CSMD1: variants seen among roughly 807,000 people sequenced by gnomAD.
CSMD1 encodes CUB and Sushi multiple domains 1.
CSMD1 carries 213 observed loss-of-function variants against 417.5 expected under a neutral mutation model. The ratio of observed to expected loss-of-function variants is 0.51; its 90% CI spans 0.46 to 0.57. The LOEUF is 0.57. Ranked by LOEUF, CSMD1 falls within the 20% of genes least tolerant of loss-of-function variation. The pLI is 0.00. For synonymous variants in CSMD1, 2,862 were observed against 1,736.8 expected (o/e 1.65, Z -16.11); for missense variants, 6,923 against 4,529.7 (o/e 1.53, Z -15.17).
intron 2 of CSMD1, among the ~76,000 whole-genome samples, chr8:4,578,538 T>A (rs1200677945): frequency 6.6e-6 from 1 of 151,450 alleles, no homozygotes; most frequent in East Asian, 2.0e-4. Flanking sequence ...TATCTTTGGC[T>A]GGGTGCAATG....
intron 3 of CSMD1, among the ~76,000 whole-genome samples, chr8:4,293,148 C>A (rs1197125167): frequency 9.9e-5 from 15 of 152,124 alleles, no homozygotes; most frequent in Admixed American, 9.8e-4. Flanking sequence ...CCCGCACCTG[C>A]CCTTTGTCCA....
chr8:4,773,408 G>A (rs9644369), intron 1 of CSMD1, among the ~76,000 whole-genome samples: 27,695 of 152,140 alleles, frequency 0.18, 2,612 homozygotes, highest in East Asian at 0.29. Context: ...TGTTTCTGCA[G>A]CAGTTGCTTT....
At chr8:3,074,424 C>T (rs905037046) in intron 49 of CSMD1, among the ~76,000 whole-genome samples, 3 of 152,170 alleles carry the variant, frequency 2.0e-5, no homozygotes, top group African/African-American at 2.4e-5. Flanking sequence ...CTACCCAGGG[C>T]GTCGGTCACC....
At chr8:3,816,105 C>G (rs947193126) in intron 5 of CSMD1, among the ~76,000 whole-genome samples, 1 of 152,140 alleles carries the variant, frequency 6.6e-6, no homozygotes, top group Non-Finnish European at 1.5e-5. Context: ...ACCTTTAGGT[C>G]TCTATCTCAT....
intron 41 of CSMD1, among the ~76,000 whole-genome samples, chr8:3,133,407 G>C (rs1384406666): frequency 1.3e-5 from 2 of 152,208 alleles, no homozygotes; most frequent in African/African-American, 2.4e-5. Context: ...GAAAGAGCTT[G>C]GGTCTGTCTT....
At chr8:3,635,539 A>G (rs1342957695) in intron 7 of CSMD1, among the ~76,000 whole-genome samples, 2 of 144,012 alleles carry the variant, frequency 1.4e-5, no homozygotes, top group African/African-American at 5.1e-5. Context: ...GCTGGAGTGC[A>G]GTGGCGCGAT....
At chr8:4,396,275 A>G (rs146170692) in intron 3 of CSMD1, among the ~76,000 whole-genome samples, 123 of 151,422 alleles carry the variant, frequency 8.1e-4, no homozygotes, top group African/African-American at 2.8e-3. Flanking sequence ...CAGCTTGGGG[A>G]ATACAGTGAG....
chr8:3,379,305 G>C lies in CSMD1; in HGVS notation c.2782+8189C>G, dbSNP rs565018507. 2.0e-5 allele frequency among the ~76,000 whole-genome samples: 3 copies of C among 152,274 alleles called. No individual in the cohort carries two copies. The East Asian group carries it at 5.8e-4, about 29-fold the overall frequency. Reference sequence around the variant, plus strand: ...CATGGATAGGAAAAATGAATATTGTGAAAATGGCAATACTGTCCAAAGTAA... The same window carrying C: ...CATGGATAGGAAAAATGAATATTGTCAAAATGGCAATACTGTCCAAAGTAA... On this transcript the variant is annotated intron_variant, in intron 18 of 69. Transcript: ENST00000635120.
intron 3 of CSMD1, among the ~76,000 whole-genome samples, chr8:4,275,165 C>T (rs1380838882): frequency 1.3e-5 from 2 of 152,082 alleles, no homozygotes; most frequent in African/African-American, 4.8e-5. Flanking sequence ...GGCATAGTTA[C>T]ATTTTCTGGG....
chr8:3,485,552 G>A (rs964299170), intron 11 of CSMD1, among the ~76,000 whole-genome samples: 1 of 151,284 alleles, frequency 6.6e-6, no homozygotes, highest in South Asian at 2.1e-4. Flanking sequence ...GAGAGAGAGA[G>A]AGAGAGAGAG....
At chr8:4,642,718 T>C (rs1803272874) in intron 1 of CSMD1, among the ~76,000 whole-genome samples, 1 of 152,226 alleles carries the variant, frequency 6.6e-6, no homozygotes, top group Non-Finnish European at 1.5e-5. Context: ...AAGTGGGGTG[T>C]GTAGCTTAGC....
At chr8:4,826,751 T>C (rs1020681596) in intron 1 of CSMD1, among the ~76,000 whole-genome samples, 1 of 152,104 alleles carries the variant, frequency 6.6e-6, no homozygotes, top group Non-Finnish European at 1.5e-5. Context: ...GAGAGACAGT[T>C]CTGTTTTAAA....
At chr8:3,442,432 T>C (rs1036870865) in intron 12 of CSMD1, among the ~76,000 whole-genome samples, 1 of 152,188 alleles carries the variant, frequency 6.6e-6, no homozygotes, top group Non-Finnish European at 1.5e-5. Context: ...TATACAGATG[T>C]CCCACTTTTT....
At chr8:4,144,678 C>A (rs1804003981) in intron 3 of CSMD1, among the ~76,000 whole-genome samples, 1 of 151,070 alleles carries the variant, frequency 6.6e-6, no homozygotes, top group Admixed American at 6.6e-5. Flanking sequence ...TATGTCCCGA[C>A]TGTGCGGTTT....
In CSMD1 at chr8:3,205,431, T is replaced by C. The variant is rs1797197970; in HGVS notation, c.4984+73A>G. 3.8e-6 allele frequency: 3 copies of C among 782,550 alleles called. No individual in the cohort carries two copies. In the South Asian group the frequency reaches 5.3e-5, roughly 14 times the overall value. 48.5% of individuals were successfully genotyped at this position (782,550 alleles called of 1,614,324 possible). Reference sequence around the variant, plus strand: ...ATTTCACTAAGCTCTAGCATACTTGTTTATCAAATGACAGAAAAATTAACA... The same window carrying C: ...ATTTCACTAAGCTCTAGCATACTTGCTTATCAAATGACAGAAAAATTAACA... On this transcript the variant is annotated intron_variant, in intron 31 of 69. Transcript: ENST00000635120.
chr8:4,036,253 G>A (rs559350456), intron 3 of CSMD1, among the ~76,000 whole-genome samples: 1 of 152,170 alleles, frequency 6.6e-6, no homozygotes, highest in Non-Finnish European at 1.5e-5. Flanking sequence ...AGTCATGCAT[G>A]ACTGCATGTA....
At chr8:4,900,613 A>G (rs1311922930) in intron 1 of CSMD1, among the ~76,000 whole-genome samples, 1 of 152,088 alleles carries the variant, frequency 6.6e-6, no homozygotes, top group Non-Finnish European at 1.5e-5. Context: ...CTGGTTCCAG[A>G]TTCGTGCCCC....
intron 46 of CSMD1, among the ~76,000 whole-genome samples, chr8:3,097,734 A>G (rs1815418317): frequency 6.6e-6 from 1 of 152,154 alleles, no homozygotes; most frequent in African/African-American, 2.4e-5. Context: ...GGTAACTGAA[A>G]TTGCAGAATG....
At position 3,091,562 on chromosome 8, in the gene CSMD1, G is replaced by C. The variant is rs774179778; in HGVS notation, c.7239C>G (p.Ser2413=). 1.9e-6 allele frequency: 3 copies of C among 1,609,870 alleles called. No individual in the cohort carries two copies. In the African/African-American group the frequency reaches 4.0e-5, roughly 22 times the overall value. The change falls in exon 48 of 70, where the codon TCC becomes TCG. Residue 2413 remains serine, a synonymous_variant. Coordinates refer to ENST00000635120, the MANE Select transcript of CSMD1 (RefSeq NM_033225.6). ...CTTTCTTACTGGTGGCATGGTCAGT[G>C]GACCAGCGGAGATATAACTGATTAC... ...SRSNQLYLRW[S]TDHATSKKGF... is the part of the protein sequence containing the mutation.
Sources: gnomAD v4.1 joint callset for allele counts (sites outside exome capture counted in the v4.1 genomes callset) on GRCh38, gnomAD v4.1.1 for gene constraint, MANE v1.5 for transcripts, NCBI Gene and HGNC (gene_info 2026-07-23, HGNC 2026-07-21) for gene names.